The following ZNF276 variants were observed in gnomAD, a reference collection of about 807,000 sequenced individuals.
ZNF276 encodes centromere protein Z.
A neutral mutation model predicts 63.9 loss-of-function variants in ZNF276; 59 were observed. The ratio of observed to expected loss-of-function variants is 0.92; its 90% CI spans 0.75 to 1.15. The LOEUF (loss-of-function observed/expected upper bound fraction) is 1.15. Ranked by LOEUF, ZNF276 falls within the 50% of genes most tolerant of loss-of-function variation. ZNF276 has a pLI of 0.00. For missense variants in ZNF276, 1,084 were observed against 843.8 expected (o/e 1.28, Z -3.53); for synonymous variants, 496 against 348.4 (o/e 1.42, Z -4.72).
At position 89,723,357 on chromosome 16, in the gene ZNF276, G is replaced by A. The variant is rs779655092; in HGVS notation, c.654G>A (p.Arg218=). The change falls in exon 4 of 11, where the codon AGG becomes AGA. Residue 218 remains arginine (R), a synonymous_variant. Coordinates refer to ENST00000443381, the MANE Select transcript of ZNF276 (RefSeq NM_001113525.2). ...GCGGGGCCCTGCCCCACCTTCAGAGGACACTGTCCTCCGAGTACTGCGGCG... is the reference window on the plus strand; with the variant it reads ...GCGGGGCCCTGCCCCACCTTCAGAGAACACTGTCCTCCGAGTACTGCGGCG... ...ASCGALPHLQ[R]TLSSEYCGVI... The A allele has an allele frequency of 5.0e-6, 8 of 1,613,048 alleles. No homozygotes were observed. The highest frequency in any genetic ancestry group is 2.2e-5 in the South Asian group (2 of 91,090).
At chr16:89,720,538 G>A, upstream of ZNF276, 1 of 1,167,780 alleles carries the variant, frequency 8.6e-7, no homozygotes, top group Non-Finnish European at 1.1e-6. Flanking sequence ...CCGGCTCAGC[G>A]AGCGGAGTGG....
intron 6 of ZNF276, among the ~76,000 whole-genome samples, chr16:89,730,803 G>A (rs773382757): frequency 7.2e-5 from 11 of 152,174 alleles, no homozygotes; most frequent in Admixed American, 2.0e-4. Context: ...CCCCCGGCCC[G>A]TGTGCTGCCT....
chr16:89,723,225 G>C lies in ZNF276; in HGVS notation c.557-35G>C, dbSNP rs192454576. 127 of 1,613,252 alleles carry C rather than the reference G, an allele frequency of 7.9e-5. No individual in the cohort carries two copies. In the African/African-American group the frequency reaches 1.5e-3, roughly 19 times the overall value. On this transcript the variant is annotated intron_variant, in intron 3 of 10. Coordinates refer to ENST00000443381, the MANE Select transcript of ZNF276 (RefSeq NM_001113525.2). ...TGGAGGGTGGGCTGGGTGCCGACCA[G>C]CCGTGGATCTGACATCTCTGTTGAC...
intron 5 of ZNF276, among the ~76,000 whole-genome samples, chr16:89,728,684 T>C (rs9933498): frequency 6.6e-6 from 1 of 151,886 alleles, no homozygotes; most frequent in East Asian, 1.9e-4. Flanking sequence ...TTACAGGTGT[T>C]AGCCACCGCA....
rs112177258 is a variant in ZNF276 at position 89,738,293 on chromosome 16, G to C, written c.*47G>C. The C allele has an allele frequency of 6.5e-7, 1 of 1,542,538 alleles. No individual in the cohort carries two copies. The highest frequency in any genetic ancestry group is 1.2e-5 in the South Asian group (1 of 84,190). On this transcript the variant is annotated 3_prime_UTR_variant, in exon 11 of 11. Coordinates refer to ENST00000443381, the MANE Select transcript of ZNF276 (RefSeq NM_001113525.2). Reference sequence around the variant, plus strand: ...CCTCTAGCAGCCTGGACTCCGCAGTGGCTGTGTCAGCCTCACCCTTCGTGT... The same window carrying C: ...CCTCTAGCAGCCTGGACTCCGCAGTCGCTGTGTCAGCCTCACCCTTCGTGT...
At chr16:89,723,751 T>C (rs375134500) in intron 4 of ZNF276, 42 bp downstream of exon 4, 6 of 1,566,158 alleles carry the variant, frequency 3.8e-6, no homozygotes, top group African/African-American at 1.4e-5. Context: ...GGATGTGTGC[T>C]CCTCAGTGGG....
In ZNF276 at chr16:89,740,599, G is replaced by A; in HGVS notation, c.*2353G>A. On this transcript the variant is annotated 3_prime_UTR_variant, in exon 11 of 11. Coordinates refer to ENST00000443381, the MANE Select transcript of ZNF276 (RefSeq NM_001113525.2). ...TGCAGTGAGCTGAGATCACACCACTGCACTCCAGCCTGGGTGACAGAGTGA... is the reference window on the plus strand; with the variant it reads ...TGCAGTGAGCTGAGATCACACCACTACACTCCAGCCTGGGTGACAGAGTGA... 5.1e-6 allele frequency: 3 copies of A among 586,806 alleles called. No individual in the cohort carries two copies. The highest frequency in any genetic ancestry group is 6.1e-6 in the Non-Finnish European group (2 of 330,430). The allele number at this position is 586,806 out of a possible 1,614,324, so 36.3% of individuals were successfully genotyped here.
At chr16:89,724,864 C>G (rs77771970) in intron 4 of ZNF276, among the ~76,000 whole-genome samples, 2 of 152,172 alleles carry the variant, frequency 1.3e-5, no homozygotes, top group Non-Finnish European at 2.9e-5. Flanking sequence ...TTGTCTCTCT[C>G]TATCTACCTA....
At chr16:89,728,248 C>T (rs913071044) in intron 5 of ZNF276, among the ~76,000 whole-genome samples, 13 of 148,360 alleles carry the variant, frequency 8.8e-5, no homozygotes, top group Middle Eastern at 3.4e-3. Flanking sequence ...TTTTTTAGAC[C>T]GAGCCTTACT....
At chr16:89,722,306 GAGAGGCCTT>G (rs908006274) in intron 1 of ZNF276, among the ~76,000 whole-genome samples, 1 of 152,238 alleles carries the variant, frequency 6.6e-6, no homozygotes, top group South Asian at 2.1e-4. Flanking sequence ...TGCTTCGCTG[GAGAGGCCTT>G]AGAGGCCTTT....
rs1344357405 is a variant in ZNF276, at chr16:89,723,180, C to G, written c.553C>G (p.Leu185Val). The G allele has an allele frequency of 1.2e-6, 2 of 1,613,096 alleles. No homozygotes were observed. The highest frequency in any genetic ancestry group is 1.3e-5 in the African/African-American group (1 of 74,942). Residue 185 changes from leucine to valine, a missense_variant, in exon 3 of 11, where the codon CTG becomes GTG. Coordinates refer to ENST00000443381, the MANE Select transcript of ZNF276 (RefSeq NM_001113525.2). Reference sequence around the variant, plus strand: ...AACAGGGGCAGAGGAGGGAGCGTGTCTGGGTGAGTCCTCCCCCGGTGGAGG... The same window carrying G: ...AACAGGGGCAGAGGAGGGAGCGTGTGTGGGTGAGTCCTCCCCCGGTGGAGG... The part of the protein sequence containing the change: ...PPTGAEEGAC[L>V]VDLITSSPQC...
chr16:89,726,611 G>T (rs971382133), intron 4 of ZNF276, among the ~76,000 whole-genome samples: 1 of 147,394 alleles, frequency 6.8e-6, no homozygotes, highest in Non-Finnish European at 1.5e-5. Flanking sequence ...GATTACAGGC[G>T]TGAGCCACTG....
chr16:89,739,989 C>G lies in ZNF276; in HGVS notation c.*1743C>G. 6.2e-7 allele frequency: 1 copy of G among 1,614,086 alleles called. No individual in the cohort carries two copies. The highest frequency in any genetic ancestry group is 8.5e-7 in the Non-Finnish European group (1 of 1,179,926). ...GCATTTGTGCCTCAGCAGCGTGTTT[C>G]TTACCACTCTCTGTCAACTGAAAGA... On this transcript the variant is annotated 3_prime_UTR_variant, in exon 11 of 11. Transcript: ENST00000443381.
Position 89,738,771 on chromosome 16 carries a change from G to T in ZNF276, c.*525G>T. 1 of 1,612,394 alleles carries T rather than the reference G, an allele frequency of 6.2e-7. No homozygotes were observed. Among genetic ancestry groups the T allele is most frequent in the Non-Finnish European group, 8.5e-7 (1 of 1,179,398 alleles). On this transcript the variant is annotated 3_prime_UTR_variant, in exon 11 of 11. Coordinates refer to ENST00000443381, the MANE Select transcript of ZNF276 (RefSeq NM_001113525.2). Reference sequence around the variant, plus strand: ...ACTAGGCCTCAGACCACAGGGGAGGGGCTCTGGCAGAAATAGTCGAGTTGT... The same window carrying T: ...ACTAGGCCTCAGACCACAGGGGAGGTGCTCTGGCAGAAATAGTCGAGTTGT...
At position 89,738,678 on chromosome 16, in the gene ZNF276, C is replaced by T. The variant is rs1567591125; in HGVS notation, c.*432C>T. The T allele has an allele frequency of 6.2e-7, 1 of 1,613,980 alleles. No homozygotes were observed. Among genetic ancestry groups the T allele is most frequent in the Non-Finnish European group, 8.5e-7 (1 of 1,180,024 alleles). On this transcript the variant is annotated 3_prime_UTR_variant, in exon 11 of 11. Transcript: ENST00000443381. Reference sequence around the variant, plus strand: ...CTGCTCTGGAGGGCGGCGCTCACCTCTGGGTCGCAGTCCCCACGATCAGCC... The same window carrying T: ...CTGCTCTGGAGGGCGGCGCTCACCTTTGGGTCGCAGTCCCCACGATCAGCC...
At chr16:89,722,398 C>G (rs1247612170) in intron 1 of ZNF276, 133 bp from the exon 2 acceptor site, 2 of 1,029,986 alleles carry the variant, frequency 1.9e-6, no homozygotes, top group African/African-American at 1.6e-5. Flanking sequence ...GAGCCGCGCG[C>G]CCGAGCCGCT....
chr16:89,736,921 C>T (rs995376301), intron 9 of ZNF276, among the ~76,000 whole-genome samples: 8 of 151,554 alleles, frequency 5.3e-5, no homozygotes, highest in Non-Finnish European at 1.0e-4. Flanking sequence ...AAAAGAACAG[C>T]GTAGAGTAAA....
chr16:89,728,281 G>A (rs1441490116), intron 5 of ZNF276, among the ~76,000 whole-genome samples: 4 of 149,920 alleles, frequency 2.7e-5, no homozygotes, highest in Admixed American at 6.7e-5. Flanking sequence ...CTGGAGTGCA[G>A]TGGTGTGACC....
Position 89,738,867 on chromosome 16 carries a change from G to A in ZNF276, c.*621G>A, listed in dbSNP as rs775643194. 2 of 1,614,112 alleles carry A rather than the reference G, an allele frequency of 1.2e-6. No individual in the cohort carries two copies. Among genetic ancestry groups the A allele is most frequent in the Non-Finnish European group, 1.7e-6 (2 of 1,180,048 alleles). On this transcript the variant is annotated 3_prime_UTR_variant, in exon 11 of 11. Coordinates refer to ENST00000443381, the MANE Select transcript of ZNF276 (RefSeq NM_001113525.2). Reference sequence around the variant, plus strand: ...ATGTCCCCCACATGGCCCAAGGTGGGCATCTTGACGTTACCTCTGCCACGT... The same window carrying A: ...ATGTCCCCCACATGGCCCAAGGTGGACATCTTGACGTTACCTCTGCCACGT...
Sources: allele counts gnomAD v4.1 joint callset (sites outside exome capture counted in the v4.1 genomes callset), GRCh38; gene constraint gnomAD v4.1.1; transcripts MANE v1.5; gene names NCBI Gene and HGNC (gene_info 2026-07-23, HGNC 2026-07-21).